Variants in CNBD1 observed in about 807,000 individuals in gnomAD.
The protein encoded by CNBD1 is cyclic nucleotide binding domain containing 1.
Under a neutral mutation model 54.4 loss-of-function variants are expected in CNBD1, and 71 were observed. The ratio of observed to expected loss-of-function variants is 1.30; its 90% CI spans 1.08 to 1.59. The LOEUF is 1.59. Ranked by LOEUF, CNBD1 falls within the 40% of genes most tolerant of loss-of-function variation. CNBD1 has a pLI of 0.00. For missense variants in CNBD1, 659 were observed against 518.0 expected (o/e 1.27, Z -2.64); for synonymous variants, 182 against 170.7 (o/e 1.07, Z -0.51).
intron 10 of CNBD1, among the ~76,000 whole-genome samples, chr8:87,375,823 A>C (rs760243679): frequency 6.6e-6 from 1 of 151,934 alleles, no homozygotes; most frequent in Non-Finnish European, 1.5e-5. Flanking sequence ...GAATTCCGTC[A>C]CTAAATACTT....
chr8:87,050,631 G>A (rs1314691865), intron 4 of CNBD1, among the ~76,000 whole-genome samples: 2 of 152,198 alleles, frequency 1.3e-5, no homozygotes, highest in Non-Finnish European at 2.9e-5. Flanking sequence ...ACTAAATGTA[G>A]AAGAAGGTAT....
At position 87,040,292 on chromosome 8, in the gene CNBD1, T is replaced by C. The variant is rs1247352747; in HGVS notation, c.431+100538T>C. On this transcript the variant is annotated intron_variant, in intron 4 of 10. Transcript: ENST00000518476. ...GAATGGACAAGGACAGCTTGGAGAT[T>C]AAAAGCAAGATGGAGTTGGTTAGGT... 2.0e-5 allele frequency among the ~76,000 whole-genome samples: 3 copies of C among 152,254 alleles called. No homozygotes were observed. In the East Asian group the frequency reaches 5.8e-4, roughly 29 times the overall value.
chr8:87,024,984 T>C (rs1046154352), intron 4 of CNBD1, among the ~76,000 whole-genome samples: 7 of 152,174 alleles, frequency 4.6e-5, no homozygotes, highest in Non-Finnish European at 1.0e-4. Context: ...GGCTAACATC[T>C]TTCTGTGTAT....
intron 4 of CNBD1, among the ~76,000 whole-genome samples, chr8:87,129,011 A>T (rs993812270): frequency 7.5e-6 from 1 of 132,612 alleles, no homozygotes; most frequent in African/African-American, 2.8e-5. Flanking sequence ...CTGAGGTTGC[A>T]GTGAGCCGAG....
intron 8 of CNBD1, among the ~76,000 whole-genome samples, chr8:87,309,638 G>T (rs1168966337): frequency 6.6e-6 from 1 of 152,060 alleles, no homozygotes; most frequent in African/African-American, 2.4e-5. Context: ...CTGTAGCTGT[G>T]TGTCTGTATC....
chr8:87,090,470 C>T (rs1042647142), intron 4 of CNBD1, among the ~76,000 whole-genome samples: 4 of 152,088 alleles, frequency 2.6e-5, no homozygotes, highest in African/African-American at 4.8e-5. Flanking sequence ...ACTGAATTAA[C>T]GACTATGCAT....
At chr8:87,290,620 G>T (rs1326213953) in intron 8 of CNBD1, among the ~76,000 whole-genome samples, 1 of 152,090 alleles carries the variant, frequency 6.6e-6, no homozygotes, top group Non-Finnish European at 1.5e-5. Context: ...GCAGCCTGAA[G>T]AACTTTTTTT....
At chr8:87,230,527 C>G (rs193099135) in intron 5 of CNBD1, among the ~76,000 whole-genome samples, 1 of 151,926 alleles carries the variant, frequency 6.6e-6, no homozygotes, top group African/African-American at 2.4e-5. Flanking sequence ...GATGTTAGAA[C>G]ACATTTGAAA....
intron 2 of CNBD1, among the ~76,000 whole-genome samples, chr8:87,393,962 T>C (rs1187996017): frequency 6.6e-6 from 1 of 151,772 alleles, no homozygotes; most frequent in African/African-American, 2.4e-5. Context: ...AAGAGCACAA[T>C]ATGTAATGCA....
intron 3 of CNBD1, among the ~76,000 whole-genome samples, chr8:86,937,734 A>ATT (rs35022028): frequency 5.3e-5 from 8 of 151,638 alleles, no homozygotes; most frequent in Non-Finnish European, 8.8e-5. Context: ...CCATGAAACC[A>ATT]TTTTTTCCTC....
At position 87,166,931 on chromosome 8, in the gene CNBD1, A is replaced by C. The variant is rs1446043592; in HGVS notation, c.432-39062A>C. ...AATTATATCCTATGCTCATTCTGTC[A>C]TTTTGAACAGTTCTCAAAGTTATTG... On this transcript the variant is annotated intron_variant, in intron 4 of 10. Coordinates refer to ENST00000518476, the MANE Select transcript of CNBD1 (RefSeq NM_173538.3). The surrounding 1 kb of genome is among the most constrained non-coding windows in gnomAD (Gnocchi z 4.3). Among the ~76,000 whole-genome samples the C allele has an allele frequency of 2.6e-5, 4 of 151,980 alleles. No individual in the cohort carries two copies. The highest frequency in any genetic ancestry group is 6.6e-5 in the Admixed American group (1 of 15,196).
chr8:87,282,349 A>G (rs1216015593), intron 6 of CNBD1, among the ~76,000 whole-genome samples: 1 of 151,630 alleles, frequency 6.6e-6, no homozygotes, highest in Non-Finnish European at 1.5e-5. Context: ...TACATTTACC[A>G]ATGTTTTTAG....
At chr8:87,424,051 A>G (rs1807995370) in intron 2 of CNBD1, among the ~76,000 whole-genome samples, 1 of 152,130 alleles carries the variant, frequency 6.6e-6, no homozygotes. Flanking sequence ...TAGATTTTCT[A>G]GTTTATTTGT....
At chr8:87,187,145 T>A (rs1190614078) in intron 4 of CNBD1, among the ~76,000 whole-genome samples, 1 of 152,102 alleles carries the variant, frequency 6.6e-6, no homozygotes, top group African/African-American at 2.4e-5. Flanking sequence ...AGGCAACATT[T>A]TTATATTGAA....
intron 4 of CNBD1, among the ~76,000 whole-genome samples, chr8:87,085,952 C>G (rs1228885358): frequency 6.6e-6 from 1 of 152,092 alleles, no homozygotes; most frequent in Non-Finnish European, 1.5e-5. Flanking sequence ...CATGCTTTTA[C>G]CCTTGGGCTT....
intron 10 of CNBD1, among the ~76,000 whole-genome samples, chr8:87,358,711 G>A (rs1396477240): frequency 6.6e-6 from 1 of 152,124 alleles, no homozygotes; most frequent in African/African-American, 2.4e-5. Context: ...GTATAATTCA[G>A]GTTGTGTCTG....
chr8:87,270,857 T>C (rs1289578391), intron 6 of CNBD1, among the ~76,000 whole-genome samples: 1 of 151,838 alleles, frequency 6.6e-6, no homozygotes, highest in Non-Finnish European at 1.5e-5. Context: ...ATTAGTTAGT[T>C]CCTTAAATTT....
chr8:87,106,806 C>T (rs1811547087), intron 4 of CNBD1, among the ~76,000 whole-genome samples: 2 of 152,078 alleles, frequency 1.3e-5, no homozygotes, highest in Non-Finnish European at 2.9e-5. Flanking sequence ...ACTACTCCAT[C>T]CTGGGCTGCT....
At chr8:87,328,040 A>G (rs537272306) in intron 8 of CNBD1, among the ~76,000 whole-genome samples, 11 of 151,828 alleles carry the variant, frequency 7.2e-5, no homozygotes, top group African/African-American at 2.4e-4. Flanking sequence ...CCATAGGTAT[A>G]TATATACCAT....
Sources: gnomAD v4.1 joint callset for allele counts (sites outside exome capture counted in the v4.1 genomes callset) on GRCh38, gnomAD v4.1.1 for gene constraint, Gnocchi (gnomAD v3.1) non-coding constraint, MANE v1.5 for transcripts, NCBI Gene and HGNC (gene_info 2026-07-23, HGNC 2026-07-21) for gene names.